Variants in ARHGEF15 observed in about 807,000 individuals in gnomAD.
The protein encoded by ARHGEF15 is Rho guanine nucleotide exchange factor 15, also known as Rho guanine nucleotide exchange factor (GEF) 15.
Under a neutral mutation model 79.7 loss-of-function variants are expected in ARHGEF15, and 58 were observed. The observed-to-expected ratio is 0.73, with a 90% confidence interval of 0.59 to 0.91. ARHGEF15 has a LOEUF of 0.91. ARHGEF15 is among the 40% of genes least tolerant of loss of function. The pLI is 0.00. For missense variants in ARHGEF15, 1,012 were observed against 1,108.1 expected (o/e 0.91, Z 1.23); for synonymous variants, 442 against 456.0 (o/e 0.97, Z 0.39).
chr17:8,322,461 G>T lies in ARHGEF15; in HGVS notation c.*1468G>T, dbSNP rs1426971745. ...GTCCATGACATTGGAGACTCCCCTA[G>T]CAGGGTGCCTGACGTGTGGGGAACC... On this transcript the variant is annotated 3_prime_UTR_variant, in exon 16 of 16. Transcript: ENST00000361926. 6.6e-6 allele frequency: 1 copy of T among 152,364 alleles called. No individual in the cohort carries two copies. The highest frequency in any genetic ancestry group is 1.5e-5 in the Non-Finnish European group (1 of 68,142). 9.4% of individuals were successfully genotyped at this position (152,364 alleles called of 1,614,324 possible). A position where few individuals can be genotyped will look rare whatever the true frequency, so the allele number is the denominator to read the frequency against.
At chr17:8,313,891 A>T (rs1044283519) in intron 4 of ARHGEF15, 1 of 200,828 alleles carries the variant, frequency 5.0e-6, no homozygotes, top group East Asian at 1.2e-4. Context: ...TTAGCCGGGC[A>T]TGGTGACGGG....
rs1904792396 is a variant in ARHGEF15, at chr17:8,313,311, G to C, written c.934+57G>C. On this transcript the variant is annotated intron_variant, in intron 3 of 15. Coordinates refer to ENST00000361926, the MANE Select transcript of ARHGEF15 (RefSeq NM_173728.4). Reference sequence around the variant, plus strand: ...TGTGAGGGGACAGGAGAGAGGCAGGGGGGAACTAAAGCCCAGCAAACTACA... The same window carrying C: ...TGTGAGGGGACAGGAGAGAGGCAGGCGGGAACTAAAGCCCAGCAAACTACA... 1.9e-6 allele frequency: 3 copies of C among 1,561,620 alleles called. No homozygotes were observed. In the Admixed American group the frequency reaches 5.3e-5, roughly 28 times the overall value.
At chr17:8,310,601 C>T (rs1028433410) in intron 1 of ARHGEF15, among the ~76,000 whole-genome samples, 28 of 150,972 alleles carry the variant, frequency 1.9e-4, no homozygotes, top group Admixed American at 1.8e-3. Context: ...CCACCTCACC[C>T]CTATGAGCCC....
rs1905171466 is a variant in ARHGEF15 at position 8,318,539 on chromosome 17, C to A, written c.1780-31C>A. On this transcript the variant is annotated intron_variant, in intron 10 of 15. Coordinates refer to ENST00000361926, the MANE Select transcript of ARHGEF15 (RefSeq NM_173728.4). The surrounding 1 kb of genome is among the most constrained non-coding windows in gnomAD (Gnocchi z 5.0). ...ATGGTAGGGAGCAGGGGGCTGGCCG[C>A]TGGGGTGGTGACACAGCTCCCCTTA... The A allele has an allele frequency of 6.2e-7, 1 of 1,612,532 alleles. No individual in the cohort carries two copies. Among genetic ancestry groups the A allele is most frequent in the Admixed American group, 1.7e-5 (1 of 59,940 alleles).
At position 8,312,973 on chromosome 17, in the gene ARHGEF15, G is replaced by A. The variant is rs773212868; in HGVS notation, c.653G>A (p.Arg218Gln). The change falls in exon 3 of 16, where the codon CGG (arginine) becomes CAG (glutamine). Residue 218 changes from arginine to glutamine, a missense_variant. By Grantham distance (43) the Arg-to-Gln change is conservative (BLOSUM62 1). Around this residue, in one of 3 missense-constraint regions of ARHGEF15, gnomAD observed 818 missense variants for 882.5 expected, o/e 0.93. Coordinates refer to ENST00000361926, the MANE Select transcript of ARHGEF15 (RefSeq NM_173728.4). The part of the protein sequence containing the change: ...PCCPCVCHTT[R>Q]PGLELRWVPV... ...TGCCCCTGTGTCTGCCACACCACCC[G>A]GCCTGGCCTGGAGCTCAGATGGGTG... is the stretch of plus-strand genomic sequence containing the variant. 12 of 1,601,172 alleles carry A rather than the reference G, an allele frequency of 7.5e-6. No homozygotes were observed. In the East Asian group the frequency reaches 8.9e-5, roughly 12 times the overall value.
At chr17:8,314,798 C>T (rs919693299) in intron 4 of ARHGEF15, 108 bp from the exon 5 acceptor site, 20 of 1,315,322 alleles carry the variant, frequency 1.5e-5, no homozygotes, top group Admixed American at 1.1e-4. Flanking sequence ...GTCAGGGTCC[C>T]TACATCCAAC....
chr17:8,313,403 A>G, intron 3 of ARHGEF15, 98 bp from the exon 4 acceptor site: 1 of 1,512,730 alleles, frequency 6.6e-7, no homozygotes, highest in Non-Finnish European at 9.0e-7. Context: ...AGAGAGTTGC[A>G]GTTTTTATAG....
Position 8,315,130 on chromosome 17 carries a change from TG to T in ARHGEF15, c.1116del (p.Ser373ValfsTer54). On this transcript the variant is annotated frameshift_variant, in exon 6 of 16. Coordinates refer to ENST00000361926, the MANE Select transcript of ARHGEF15 (RefSeq NM_173728.4). LOFTEE classifies it high-confidence loss of function. The surrounding 1 kb of genome is among the most constrained non-coding windows in gnomAD (Gnocchi z 4.3). ...SEELWGVGED[G>X]SPSPANAGDA... ...AGGAGCTGTGGGGGGTGGGTGAGGA[TG>T]GGAGTCCTTCTCCAGCAAATGCTGG... 6.2e-7 allele frequency: 1 copy of T among 1,614,006 alleles called. No individual in the cohort carries two copies. The highest frequency in any genetic ancestry group is 8.5e-7 in the Non-Finnish European group (1 of 1,179,984).
Position 8,314,925 on chromosome 17 carries a change from G to C in ARHGEF15, c.1009G>C (p.Val337Leu), listed in dbSNP as rs1904906702. 1.9e-6 allele frequency: 3 copies of C among 1,613,900 alleles called. No individual in the cohort carries two copies. Among genetic ancestry groups the C allele is most frequent in the Non-Finnish European group, 2.5e-6 (3 of 1,179,992 alleles). The change falls in exon 5 of 16, where the codon GTG becomes CTG. Residue 337 changes from valine to leucine, a missense_variant. Physicochemically the swap from Val to Leu is conservative, Grantham distance 32 (BLOSUM62 1). Around this residue, in one of 3 missense-constraint regions of ARHGEF15, gnomAD observed 818 missense variants for 882.5 expected, o/e 0.93. Coordinates refer to ENST00000361926, the MANE Select transcript of ARHGEF15 (RefSeq NM_173728.4). ...CCACAGGGAAGAGGAGGGGCTAGAG[G>C]TGCTGAAGGAGCAGAATTGGGAGCT... is the stretch of plus-strand genomic sequence containing the variant. The part of the protein sequence containing the change: ...VEGREEEGLE[V>L]LKEQNWELPL...
At chr17:8,314,721 C>T (rs1189938178) in intron 4 of ARHGEF15, 185 bp from the exon 5 acceptor site, 2 of 625,990 alleles carry the variant, frequency 3.2e-6, no homozygotes, top group Non-Finnish European at 5.1e-6. Flanking sequence ...GGCAACATAA[C>T]GAGACCTTGC....
chr17:8,319,836 A>G (rs1242880992), intron 15 of ARHGEF15, among the ~76,000 whole-genome samples: 1 of 151,848 alleles, frequency 6.6e-6, no homozygotes, highest in Non-Finnish European at 1.5e-5. Flanking sequence ...GGGTTTCACC[A>G]TGTTGGCCAG....
chr17:8,321,095 A>C lies in ARHGEF15; in HGVS notation c.*102A>C, dbSNP rs1203749359. On this transcript the variant is annotated 3_prime_UTR_variant, in exon 16 of 16. Coordinates refer to ENST00000361926, the MANE Select transcript of ARHGEF15 (RefSeq NM_173728.4). Reference sequence around the variant, plus strand: ...TGGATTCACTGTCAGTGGAGATACTACCTCTCGTGGCAACCATAGAGATCG... The same window carrying C: ...TGGATTCACTGTCAGTGGAGATACTCCCTCTCGTGGCAACCATAGAGATCG... The C allele has an allele frequency of 4.0e-6, 6 of 1,499,754 alleles. No homozygotes were observed. The East Asian group carries it at 1.4e-4, about 34-fold the overall frequency. 92.9% of individuals were successfully genotyped at this position (1,499,754 alleles called of 1,614,324 possible).
Position 8,319,546 on chromosome 17 carries a change from G to GAA in ARHGEF15, c.2318_2319dup (p.Gly774LysfsTer22). The GAA allele has an allele frequency of 6.2e-7, 1 of 1,611,838 alleles. No individual in the cohort carries two copies. The highest frequency in any genetic ancestry group is 8.5e-7 in the Non-Finnish European group (1 of 1,179,250). Reference sequence around the variant, plus strand: ...AGAGTCGTCTGCACCTGCCAAGACTGAAGGACGGAGTCTGGAGTCCAGGGC... The same window carrying GAA: ...AGAGTCGTCTGCACCTGCCAAGACTGAAAAGGACGGAGTCTGGAGTCCAGGGC... On this transcript the variant is annotated frameshift_variant, in exon 15 of 16. Coordinates refer to ENST00000361926, the MANE Select transcript of ARHGEF15 (RefSeq NM_173728.4). LOFTEE classifies it high-confidence loss of function.
chr17:8,318,621 C>T lies in ARHGEF15; in HGVS notation c.1831C>T (p.Leu611=), dbSNP rs867579395. Reference sequence around the variant, plus strand: ...GGGGCGCATGAAGCAGACTGAAGAGCTGATCCGGCTCACCCAAAGGCTGCG... The same window carrying T: ...GGGGCGCATGAAGCAGACTGAAGAGTTGATCCGGCTCACCCAAAGGCTGCG... ...EVGRMKQTEE[L]IRLTQRLRFH... Residue 611 remains leucine (L), a synonymous_variant, in exon 11 of 16, where the codon CTG becomes TTG. Transcript: ENST00000361926. This position sits in a 1 kb window ranked among gnomAD's most constrained non-coding sequence, Gnocchi z 5.0. The T allele has an allele frequency of 6.2e-7, 1 of 1,613,776 alleles. No homozygotes were observed. Among genetic ancestry groups the T allele is most frequent in the Admixed American group, 1.7e-5 (1 of 60,014 alleles).
In ARHGEF15 at chr17:8,315,354, C is replaced by T. The variant is rs1285630803; in HGVS notation, c.1261-60C>T. 1 of 1,611,556 alleles carries T rather than the reference C, an allele frequency of 6.2e-7. No homozygotes were observed. The highest frequency in any genetic ancestry group is 1.3e-5 in the African/African-American group (1 of 74,804). On this transcript the variant is annotated intron_variant, in intron 6 of 15. Transcript: ENST00000361926. The surrounding 1 kb of genome is among the most constrained non-coding windows in gnomAD (Gnocchi z 4.3). ...GGGTCAGGCATAGGGGAGGAGGGCC[C>T]AGGGTCCTAGCTTCCCACGGTGAAC...
intron 4 of ARHGEF15, 40 bp from the exon 5 acceptor site, chr17:8,314,866 T>A: frequency 1.1e-5 from 17 of 1,609,398 alleles, no homozygotes; most frequent in Non-Finnish European, 1.4e-5. Context: ...TGGGCAGCAG[T>A]GGTGGCCCTG....
intron 2 of ARHGEF15, 105 bp downstream of exon 2, chr17:8,312,745 T>A (rs1417673590): frequency 6.3e-7 from 1 of 1,597,198 alleles, no homozygotes; most frequent in Admixed American, 1.7e-5. Context: ...ATGGAGTTAA[T>A]GTTTGGGATA....
Position 8,315,530 on chromosome 17 carries a change from C to T in ARHGEF15, c.1377C>T (p.His459=), listed in dbSNP as rs953253771. 1.9e-6 allele frequency: 3 copies of T among 1,611,902 alleles called. No individual in the cohort carries two copies. Among genetic ancestry groups the T allele is most frequent in the South Asian group, 2.2e-5 (2 of 91,088 alleles). Residue 459 remains histidine (H), a synonymous_variant, in exon 7 of 16, where the codon CAC becomes CAT. Coordinates refer to ENST00000361926, the MANE Select transcript of ARHGEF15 (RefSeq NM_173728.4). This position sits in a 1 kb window ranked among gnomAD's most constrained non-coding sequence, Gnocchi z 4.3. ...ACACGCTCACCCCCCGTGATCACCACACACTCTTCTCCAATGTGCAGCGAG... is the reference window on the plus strand; with the variant it reads ...ACACGCTCACCCCCCGTGATCACCATACACTCTTCTCCAATGTGCAGCGAG... ...LRDTLTPRDH[H]TLFSNVQRVQ...
rs756290079 is a variant in ARHGEF15 at position 8,318,843 on chromosome 17, C to T, written c.1966C>T (p.Arg656Cys). ...CRRGGVLFAS[R>C]PRFTPLCLLL... is the part of the protein sequence containing the mutation. ...GAGGGGGGGCGTGCTCTTTGCCTCG[C>T]GCCCCCGCTTCACCCCTCTTTGCCT... is the stretch of plus-strand genomic sequence containing the variant. Residue 656 changes from arginine (R) to cysteine (C), a missense_variant, in exon 12 of 16, where the codon CGC (arginine) becomes TGC (cysteine). Arg to Cys is a radical substitution (Grantham distance 180). Around this residue, in one of 3 missense-constraint regions of ARHGEF15, gnomAD observed 818 missense variants for 882.5 expected, o/e 0.93. Transcript: ENST00000361926. The surrounding 1 kb of genome is among the most constrained non-coding windows in gnomAD (Gnocchi z 5.0). The T allele has an allele frequency of 6.8e-6, 11 of 1,613,510 alleles. No individual in the cohort carries two copies. Among genetic ancestry groups the T allele is most frequent in the Admixed American group, 5.0e-5 (3 of 60,014 alleles).
Sources: gnomAD v4.1 joint callset for allele counts (sites outside exome capture counted in the v4.1 genomes callset) on GRCh38, gnomAD v4.1.1 for gene constraint, gnomAD v4.1.1 regional missense constraint, Gnocchi (gnomAD v3.1) non-coding constraint, MANE v1.5 for transcripts, NCBI Gene and HGNC (gene_info 2026-07-23, HGNC 2026-07-21) for gene names.